TMEM212: variants seen among roughly 807,000 people sequenced by gnomAD.
TMEM212 encodes the protein transmembrane protein 212.
In TMEM212, 23 loss-of-function variants were observed where a neutral mutation model predicts 20.5. The ratio of observed to expected loss-of-function variants is 1.12; its 90% CI spans 0.81 to 1.59. TMEM212 has a LOEUF of 1.59. Ranked by LOEUF, TMEM212 falls within the 40% of genes most tolerant of loss-of-function variation. The pLI is 0.00. For synonymous variants in TMEM212, 76 were observed against 81.6 expected (o/e 0.93, Z 0.37); for missense variants, 211 against 215.0 (o/e 0.98, Z 0.12).
intron 1 of TMEM212, among the ~76,000 whole-genome samples, chr3:171,847,221 G>GTAGA (rs1724852933): frequency 6.6e-6 from 1 of 152,244 alleles, no homozygotes; most frequent in Admixed American, 6.5e-5. Context: ...AACATGGCTT[G>GTAGA]TAGATCAAGT....
rs938861194 is a variant in TMEM212, at chr3:171,858,343, T to A, written c.*286T>A. 6.6e-6 allele frequency: 1 copy of A among 152,144 alleles called. No individual in the cohort carries two copies. Among genetic ancestry groups the A allele is most frequent in the African/African-American group, 2.4e-5 (1 of 41,384 alleles). 9.4% of individuals were successfully genotyped at this position (152,144 alleles called of 1,614,324 possible). A position where few individuals can be genotyped will look rare whatever the true frequency, so the allele number is the denominator to read the frequency against. On this transcript the variant is annotated 3_prime_UTR_variant, in exon 5 of 5. Coordinates refer to ENST00000334567, the MANE Select transcript of TMEM212 (RefSeq NM_001164436.2). The stretch of plus-strand genomic sequence containing the variant: ...GGGAAAGGATTCCCTTTTTAATAAA[T>A]GGTGCTGGGAAAACTGGTTAGCCAT...
chr3:171,849,573 A>T (rs1390677657), intron 1 of TMEM212, among the ~76,000 whole-genome samples: 1 of 152,230 alleles, frequency 6.6e-6, no homozygotes, highest in Non-Finnish European at 1.5e-5. Context: ...AATACATGTT[A>T]ACATTTATTA....
At position 171,853,578 on chromosome 3, in the gene TMEM212, CA is replaced by C; in HGVS notation, c.272del (p.His91LeufsTer4). ...TCTGAGCATTATGGGATGTCCACTT[CA>C]TTTTGCAATAGCCTTGGAATCTGCT... ...VILSIMGCPL[H>X]FAIALESALL... On this transcript the variant is annotated frameshift_variant, in exon 3 of 5. Coordinates refer to ENST00000334567, the MANE Select transcript of TMEM212 (RefSeq NM_001164436.2). LOFTEE classifies it high-confidence loss of function. 1 of 1,537,178 alleles carries C rather than the reference CA, an allele frequency of 6.5e-7. No homozygotes were observed. Among genetic ancestry groups the C allele is most frequent in the Non-Finnish European group, 8.7e-7 (1 of 1,146,836 alleles).
intron 3 of TMEM212, among the ~76,000 whole-genome samples, chr3:171,856,260 G>C (rs187769914): frequency 3.3e-5 from 5 of 152,270 alleles, no homozygotes; most frequent in Admixed American, 3.3e-4. Context: ...CAGAATTTAA[G>C]AGCTTGTTTG....
intron 2 of TMEM212, among the ~76,000 whole-genome samples, chr3:171,852,792 A>C (rs569655154): frequency 6.6e-6 from 1 of 152,364 alleles, no homozygotes; most frequent in East Asian, 1.9e-4. Flanking sequence ...AAAAGACTAC[A>C]TTATCTGATT....
Position 171,858,700 on chromosome 3 carries a change from T to A in TMEM212, c.*643T>A, listed in dbSNP as rs1725177085. On this transcript the variant is annotated 3_prime_UTR_variant, in exon 5 of 5. Coordinates refer to ENST00000334567, the MANE Select transcript of TMEM212 (RefSeq NM_001164436.2). ...TGACAAACAGCTAATATCCAGAATC[T>A]ACAAAGAACTTAAACAAATTTACAA... 6.6e-6 allele frequency: 1 copy of A among 151,330 alleles called. No individual in the cohort carries two copies. Among genetic ancestry groups the A allele is most frequent in the African/African-American group, 2.5e-5 (1 of 40,720 alleles). The allele number at this position is 151,330 out of a possible 1,614,324, so 9.4% of individuals were successfully genotyped here.
chr3:171,853,099 T>A (rs930756488), intron 2 of TMEM212, among the ~76,000 whole-genome samples: 1 of 152,212 alleles, frequency 6.6e-6, no homozygotes, highest in African/African-American at 2.4e-5. Flanking sequence ...TTTGTTGAAT[T>A]GAACTAATTT....
intron 1 of TMEM212, among the ~76,000 whole-genome samples, chr3:171,850,119 A>G (rs1348925149): frequency 2.0e-5 from 3 of 152,138 alleles, no homozygotes; most frequent in South Asian, 4.1e-4. Context: ...ATAATTTTCA[A>G]GAAGAAATGG....
chr3:171,847,986 T>A (rs1724877498), intron 1 of TMEM212, among the ~76,000 whole-genome samples: 1 of 152,154 alleles, frequency 6.6e-6, no homozygotes, highest in African/African-American at 2.4e-5. Context: ...ATGTCAATGG[T>A]CCATTTTTCC....
At chr3:171,847,793 G>A (rs183453474) in intron 1 of TMEM212, among the ~76,000 whole-genome samples, 41 of 152,172 alleles carry the variant, frequency 2.7e-4, no homozygotes, top group Non-Finnish European at 2.9e-4. Context: ...GGGGATGGGG[G>A]AGGAGGAGAA....
In TMEM212 at chr3:171,858,451, C is replaced by T. The variant is rs1401783968; in HGVS notation, c.*394C>T. Reference sequence around the variant, plus strand: ...ATGGATTAAAGACTTAAATGTAAGACCTAAAACCATAAAAACCCTAGAAGA... The same window carrying T: ...ATGGATTAAAGACTTAAATGTAAGATCTAAAACCATAAAAACCCTAGAAGA... On this transcript the variant is annotated 3_prime_UTR_variant, in exon 5 of 5. Coordinates refer to ENST00000334567, the MANE Select transcript of TMEM212 (RefSeq NM_001164436.2). 2 of 152,020 alleles carry T rather than the reference C, an allele frequency of 1.3e-5. No individual in the cohort carries two copies. Among genetic ancestry groups the T allele is most frequent in the South Asian group, 2.1e-4 (1 of 4,828 alleles). The allele number at this position is 152,020 out of a possible 1,614,324, so 9.4% of individuals were successfully genotyped here.
chr3:171,852,012 G>C lies in TMEM212; in HGVS notation c.190G>C (p.Ala64Pro). 1 of 1,537,020 alleles carries C rather than the reference G, an allele frequency of 6.5e-7. No individual in the cohort carries two copies. Among genetic ancestry groups the C allele is most frequent in the African/African-American group, 1.4e-5 (1 of 73,124 alleles). ...CACAACTGGTGTGCTTCTACTGTTG[G>C]CTTACAGAGAGTGGACCCAGAGGTA... ...AITTGVLLLL[A>P]YREWTQRYLG... The change falls in exon 2 of 5, where the codon GCT becomes CCT. Residue 64 changes from alanine (A) to proline (P), a missense_variant. By Grantham distance (27) the Ala-to-Pro change is conservative (BLOSUM62 -1). Coordinates refer to ENST00000334567, the MANE Select transcript of TMEM212 (RefSeq NM_001164436.2).
chr3:171,844,497 GGAGTTC>G (rs1724788869), intron 1 of TMEM212, among the ~76,000 whole-genome samples: 1 of 152,152 alleles, frequency 6.6e-6, no homozygotes, highest in Non-Finnish European at 1.5e-5. Flanking sequence ...CACGAGGTCA[GGAGTTC>G]GAGACCAGCC....
chr3:171,845,406 T>C (rs1448758588), intron 1 of TMEM212, among the ~76,000 whole-genome samples: 1 of 152,234 alleles, frequency 6.6e-6, no homozygotes, highest in East Asian at 1.9e-4. Flanking sequence ...TCATTTAATT[T>C]TTTTAAAAAT....
intron 3 of TMEM212, among the ~76,000 whole-genome samples, chr3:171,855,723 C>T (rs1253155736): frequency 6.6e-6 from 1 of 152,046 alleles, no homozygotes; most frequent in Non-Finnish European, 1.5e-5. Flanking sequence ...CGTTTAATTC[C>T]CATAATCTTA....
At position 171,848,580 on chromosome 3, in the gene TMEM212, G is replaced by GAATAGAATAGAATAGAATAGA. The variant is rs1724891141; in HGVS notation, c.160-3401_160-3400insATAGAATAGAATAGAATAGAA. Among the ~76,000 whole-genome samples the GAATAGAATAGAATAGAATAGA allele has an allele frequency of 3.3e-3, 477 of 144,632 alleles. 6 individuals are homozygous for GAATAGAATAGAATAGAATAGA. The highest frequency in any genetic ancestry group is 0.012 in the African/African-American group (455 of 37,772). The allele number at this position is 144,632 out of a possible 152,430, so 94.9% of individuals were successfully genotyped here. A position where few individuals can be genotyped will look rare whatever the true frequency, so the allele number is the denominator to read the frequency against. ...AAATGCATAGAATAGAATAGAATAG[G>GAATAGAATAGAATAGAATAGA]ATAGAATAGAATAGAATAGAATAGA... On this transcript the variant is annotated intron_variant, in intron 1 of 4. Transcript: ENST00000334567.
At chr3:171,853,352 A>G (rs1578518524) in intron 2 of TMEM212, among the ~76,000 whole-genome samples, 175 bp from the exon 3 acceptor site, 1 of 152,232 alleles carries the variant, frequency 6.6e-6, no homozygotes, top group East Asian at 1.9e-4. Context: ...TGAATATACA[A>G]GGGACATTTT....
chr3:171,852,349 C>T (rs1002946809), intron 2 of TMEM212, among the ~76,000 whole-genome samples: 11 of 152,006 alleles, frequency 7.2e-5, no homozygotes, highest in East Asian at 5.8e-4. Context: ...TACAGGTGCA[C>T]GCCACCATGC....
chr3:171,855,824 T>G (rs1725101838), intron 3 of TMEM212, among the ~76,000 whole-genome samples: 1 of 152,204 alleles, frequency 6.6e-6, no homozygotes, highest in Admixed American at 6.5e-5. Context: ...CCCTTGGTTT[T>G]TATTTTCACT....
Sources: allele counts gnomAD v4.1 joint callset (sites outside exome capture counted in the v4.1 genomes callset), GRCh38; gene constraint gnomAD v4.1.1; transcripts MANE v1.5; gene names NCBI Gene and HGNC (gene_info 2026-07-23, HGNC 2026-07-21).